Variants in PARD3B observed in about 807,000 individuals in gnomAD.
PARD3B encodes the protein par-3 family cell polarity regulator beta, also known as partitioning defective 3 homolog B.
Under a neutral mutation model 130.2 loss-of-function variants are expected in PARD3B, and 103 were observed. The observed-to-expected ratio is 0.79, with a 90% CI of 0.67 to 0.93. PARD3B has a LOEUF of 0.93. Ranked by LOEUF, PARD3B falls within the 40% of genes least tolerant of loss-of-function variation. The pLI is 0.00. For synonymous variants in PARD3B, 583 were observed against 553.2 expected, an observed-to-expected ratio of 1.05 and a Z score of -0.76; for missense variants, 1,609 against 1,499.2, an observed-to-expected ratio of 1.07 and a Z score of -1.21.
At chr2:205,454,959 C>A (rs2106207143) in intron 20 of PARD3B, among the ~76,000 whole-genome samples, 1 of 152,198 alleles carries the variant, frequency 6.6e-6, no homozygotes, top group Admixed American at 6.5e-5. Context: ...ACCCTTTAAG[C>A]AAAGTGTGTA....
intron 21 of PARD3B, among the ~76,000 whole-genome samples, chr2:205,533,359 A>G (rs1177676634): frequency 6.6e-6 from 1 of 152,204 alleles, no homozygotes; most frequent in Non-Finnish European, 1.5e-5. Context: ...TGAAGTTCAT[A>G]TTCTGTACAG....
intron 2 of PARD3B, 89 bp downstream of exon 2, chr2:204,686,371 C>A: frequency 2.1e-6 from 2 of 947,486 alleles, no homozygotes; most frequent in South Asian, 1.4e-5. Flanking sequence ...ACTCATGTGT[C>A]AATTATTATT....
chr2:205,385,186 TAATA>T (rs2105959681), intron 18 of PARD3B, among the ~76,000 whole-genome samples: 1 of 152,274 alleles, frequency 6.6e-6, no homozygotes, highest in South Asian at 2.1e-4. Flanking sequence ...GTTAATTAGC[TAATA>T]AATTACCAAA....
At chr2:204,826,142 T>TTGTAAAGG (rs1000427048) in intron 2 of PARD3B, among the ~76,000 whole-genome samples, 2 of 152,206 alleles carry the variant, frequency 1.3e-5, no homozygotes, top group African/African-American at 4.8e-5. Flanking sequence ...CTTTACAGTC[T>TTGTAAAGG]TATAATAACC....
intron 4 of PARD3B, among the ~76,000 whole-genome samples, chr2:205,088,580 C>A (rs1701885487): frequency 6.6e-6 from 1 of 151,966 alleles, no homozygotes; most frequent in Admixed American, 6.6e-5. Flanking sequence ...AAAAATCAAC[C>A]CTCAACTTTC....
At chr2:205,455,167 C>T (rs573315675) in intron 20 of PARD3B, among the ~76,000 whole-genome samples, 105 of 152,104 alleles carry the variant, frequency 6.9e-4, no homozygotes, top group Non-Finnish European at 1.2e-3. Flanking sequence ...TGTGGCTTTG[C>T]GGAAATTATT....
chr2:205,489,511 GTA>G (rs1319387567), intron 20 of PARD3B, among the ~76,000 whole-genome samples: 47 of 118,828 alleles, frequency 4.0e-4, no homozygotes, highest in South Asian at 1.1e-3. Flanking sequence ...ATATATATAC[GTA>G]TATATATATA....
chr2:204,567,051 G>T (rs922832584), intron 1 of PARD3B, among the ~76,000 whole-genome samples: 1 of 151,938 alleles, frequency 6.6e-6, no homozygotes, highest in African/African-American at 2.4e-5. Context: ...GCTAATTTTT[G>T]TATGTTTAGT....
At chr2:204,655,336 A>G (rs888048459) in intron 1 of PARD3B, among the ~76,000 whole-genome samples, 2 of 152,042 alleles carry the variant, frequency 1.3e-5, no homozygotes, top group African/African-American at 4.8e-5. Context: ...GAATTTCCAC[A>G]TAGTAGCTAC....
chr2:204,977,811 CAAAAAAA>C (rs35974349), intron 3 of PARD3B, among the ~76,000 whole-genome samples: 1 of 59,024 alleles, frequency 1.7e-5, no homozygotes, highest in Non-Finnish European at 3.1e-5. Context: ...GACTCCGGCT[CAAAAAAA>C]AAAAAAAAAA....
chr2:205,332,149 T>C (rs2043161121), intron 18 of PARD3B, among the ~76,000 whole-genome samples: 1 of 152,140 alleles, frequency 6.6e-6, no homozygotes, highest in South Asian at 2.1e-4. Context: ...ATCATTGTAA[T>C]ATAAAAGATA....
rs537087325 is a variant in PARD3B at position 205,592,664 on chromosome 2, A to C, written c.3261-22792A>C. 6.6e-6 allele frequency among the ~76,000 whole-genome samples: 1 copy of C among 152,246 alleles called. No homozygotes were observed. Among genetic ancestry groups the C allele is most frequent in the African/African-American group, 2.4e-5 (1 of 41,470 alleles). Reference sequence around the variant, plus strand: ...TTCATGATCTTATATATCTTACCATATAAATCTAAATCAATCATAACGTAT... The same window carrying C: ...TTCATGATCTTATATATCTTACCATCTAAATCTAAATCAATCATAACGTAT... On this transcript the variant is annotated intron_variant, in intron 22 of 22. Coordinates refer to ENST00000406610, the MANE Select transcript of PARD3B (RefSeq NM_001302769.2). This position sits in a 1 kb window ranked among gnomAD's most constrained non-coding sequence, Gnocchi z 4.5.
chr2:205,571,472 G>A (rs899610270), intron 22 of PARD3B, among the ~76,000 whole-genome samples: 1 of 152,240 alleles, frequency 6.6e-6, no homozygotes, highest in African/African-American at 2.4e-5. Flanking sequence ...GCCACGGAGT[G>A]CAGCTGTTGG....
intron 3 of PARD3B, among the ~76,000 whole-genome samples, chr2:204,987,870 A>G (rs776598716): frequency 2.0e-5 from 3 of 152,156 alleles, no homozygotes; most frequent in Non-Finnish European, 2.9e-5. Context: ...GGGGGAATTC[A>G]TGGGTTTGTC....
intron 19 of PARD3B, among the ~76,000 whole-genome samples, chr2:205,436,619 A>G (rs2047525908): frequency 6.6e-6 from 1 of 152,088 alleles, no homozygotes; most frequent in Admixed American, 6.6e-5. Flanking sequence ...AAAATATAGT[A>G]TTAAATAACA....
intron 18 of PARD3B, among the ~76,000 whole-genome samples, chr2:205,331,313 T>C (rs1413887006): frequency 6.7e-6 from 1 of 149,294 alleles, no homozygotes; most frequent in Non-Finnish European, 1.5e-5. Context: ...ACACACTCCA[T>C]AGATGACAGA....
chr2:205,375,426 G>A (rs2045005374), intron 18 of PARD3B, among the ~76,000 whole-genome samples: 2 of 152,328 alleles, frequency 1.3e-5, no homozygotes, highest in Non-Finnish European at 1.5e-5. Context: ...CTGGGTCAGT[G>A]TAAATGATCT....
chr2:204,589,033 G>A (rs1000160027), intron 1 of PARD3B, among the ~76,000 whole-genome samples: 1 of 152,008 alleles, frequency 6.6e-6, no homozygotes, highest in East Asian at 1.9e-4. Flanking sequence ...GTTAAGACCC[G>A]ATAAATATTT....
At chr2:204,850,321 A>G (rs2044655253) in intron 2 of PARD3B, among the ~76,000 whole-genome samples, 1 of 152,108 alleles carries the variant, frequency 6.6e-6, no homozygotes, top group African/African-American at 2.4e-5. Context: ...TCATTCTTCC[A>G]AAAGAGAAGA....
Sources: allele counts gnomAD v4.1 joint callset (sites outside exome capture counted in the v4.1 genomes callset), GRCh38; gene constraint gnomAD v4.1.1; non-coding constraint Gnocchi (gnomAD v3.1); transcripts MANE v1.5; gene names NCBI Gene and HGNC (gene_info 2026-07-23, HGNC 2026-07-21).